Variants in ALK observed in about 807,000 individuals in gnomAD.
The protein encoded by ALK is ALK tyrosine kinase receptor.
ALK carries 74 observed loss-of-function variants against 163.1 expected under a neutral mutation model. The observed-to-expected ratio is 0.45, with a 90% CI of 0.38 to 0.55. The LOEUF (loss-of-function observed/expected upper bound fraction) is 0.55. ALK is among the 20% of genes least tolerant of loss of function. ALK has a pLI of 0.00. For missense variants in ALK, 2,063 were observed against 2,105.3 expected (o/e 0.98, Z 0.39); for synonymous variants, 960 against 843.2 (o/e 1.14, Z -2.40).
intron 1 of ALK, among the ~76,000 whole-genome samples, chr2:29,791,846 T>C (rs924241995): frequency 2.6e-5 from 4 of 152,176 alleles, no homozygotes; most frequent in African/African-American, 9.7e-5. Context: ...TTAATAATTA[T>C]AATTTGAGGG....
At chr2:29,663,148 C>T (rs1430289928) in intron 3 of ALK, among the ~76,000 whole-genome samples, 1 of 152,158 alleles carries the variant, frequency 6.6e-6, no homozygotes, top group Non-Finnish European at 1.5e-5. Context: ...TAAATCAGAG[C>T]AGACTAAACC....
intron 11 of ALK, among the ~76,000 whole-genome samples, chr2:29,255,189 T>C (rs1664920769): frequency 6.6e-6 from 1 of 152,160 alleles, no homozygotes; most frequent in South Asian, 2.1e-4. Flanking sequence ...TCTGGGGGTG[T>C]GGAGTTTCTG....
At chr2:29,408,350 C>A (rs1669642906) in intron 4 of ALK, among the ~76,000 whole-genome samples, 1 of 151,872 alleles carries the variant, frequency 6.6e-6, no homozygotes, top group African/African-American at 2.4e-5. Flanking sequence ...GGCCTCCCCA[C>A]AAAGTGCTGG....
At chr2:29,402,789 A>C (rs1422295115) in intron 4 of ALK, among the ~76,000 whole-genome samples, 4 of 152,162 alleles carry the variant, frequency 2.6e-5, no homozygotes, top group Admixed American at 6.5e-5. Context: ...TGGGCTATGC[A>C]TCTGTAGCCT....
intron 12 of ALK, among the ~76,000 whole-genome samples, chr2:29,242,280 T>C (rs530526078): frequency 1.3e-5 from 2 of 152,280 alleles, no homozygotes; most frequent in South Asian, 2.1e-4. Context: ...TGTGGTTTGC[T>C]TGGAAAACTT....
At chr2:29,457,502 G>A (rs991307984) in intron 4 of ALK, among the ~76,000 whole-genome samples, 9 of 152,066 alleles carry the variant, frequency 5.9e-5, no homozygotes, top group Admixed American at 2.6e-4. Context: ...CCATCTGCAG[G>A]TCTCAGGGGA....
intron 1 of ALK, among the ~76,000 whole-genome samples, chr2:29,865,105 G>A (rs1348092537): frequency 6.6e-6 from 1 of 152,178 alleles, no homozygotes; most frequent in African/African-American, 2.4e-5. Flanking sequence ...CTTATGGTTG[G>A]GGTGTTCTGG....
intron 4 of ALK, among the ~76,000 whole-genome samples, chr2:29,388,561 T>C (rs1356981917): frequency 6.6e-6 from 1 of 152,242 alleles, no homozygotes; most frequent in Non-Finnish European, 1.5e-5. Context: ...CCAGTTTCCC[T>C]ATTTTTAAGA....
At chr2:29,503,514 C>A (rs1299503739) in intron 4 of ALK, among the ~76,000 whole-genome samples, 1 of 152,182 alleles carries the variant, frequency 6.6e-6, no homozygotes, top group Non-Finnish European at 1.5e-5. Context: ...AACCAAGTTT[C>A]CAAGAGAAAG....
chr2:29,522,504 C>G (rs778024298), intron 4 of ALK, among the ~76,000 whole-genome samples: 2 of 152,162 alleles, frequency 1.3e-5, no homozygotes, highest in Admixed American at 1.3e-4. Flanking sequence ...CTCTCCCTGT[C>G]TTTCATGTGT....
chr2:29,394,004 A>G (rs1669242842), intron 4 of ALK, among the ~76,000 whole-genome samples: 1 of 152,210 alleles, frequency 6.6e-6, no homozygotes, highest in South Asian at 2.1e-4. Flanking sequence ...ATTTTAAGGA[A>G]ATGGATACTG....
intron 1 of ALK, among the ~76,000 whole-genome samples, chr2:29,887,462 T>A (rs922331914): frequency 6.6e-6 from 1 of 152,186 alleles, no homozygotes; most frequent in Non-Finnish European, 1.5e-5. Context: ...TGCTCAGAAG[T>A]CATCCTGGGT....
intron 1 of ALK, among the ~76,000 whole-genome samples, chr2:29,789,863 C>A (rs1166383073): frequency 6.6e-6 from 1 of 152,114 alleles, no homozygotes; most frequent in Non-Finnish European, 1.5e-5. Flanking sequence ...CGTGGAGAAC[C>A]TTGGAGTTTA....
chr2:29,309,971 GC>G (rs1283517383), intron 8 of ALK, among the ~76,000 whole-genome samples: 41 of 152,292 alleles, frequency 2.7e-4, no homozygotes, highest in African/African-American at 9.1e-4. Context: ...AATAATTGCT[GC>G]CATTCATCAA....
chr2:29,234,435 C>G (rs150429532), intron 13 of ALK, among the ~76,000 whole-genome samples: 17 of 152,274 alleles, frequency 1.1e-4, no homozygotes, highest in Non-Finnish European at 2.5e-4. Context: ...AGGCCAGACT[C>G]AAGTTTTATT....
chr2:29,356,233 A>G (rs1215094066), intron 5 of ALK, among the ~76,000 whole-genome samples: 1 of 152,182 alleles, frequency 6.6e-6, no homozygotes, highest in Admixed American at 6.5e-5. Flanking sequence ...GTATGCTGAC[A>G]TTTTGCAAGT....
chr2:29,303,805 G>A (rs1008586838), intron 8 of ALK, among the ~76,000 whole-genome samples: 6 of 152,164 alleles, frequency 3.9e-5, no homozygotes, highest in Non-Finnish European at 7.3e-5. Flanking sequence ...TACCGTATGT[G>A]CTCACTTATG....
At chr2:29,217,462 G>T (rs1184059804) in intron 23 of ALK, among the ~76,000 whole-genome samples, 2 of 151,986 alleles carry the variant, frequency 1.3e-5, no homozygotes, top group Non-Finnish European at 2.9e-5. Flanking sequence ...AGCATTGCCA[G>T]CCAGTGCACC....
intron 22 of ALK, 35 bp from the exon 23 acceptor site, chr2:29,220,870 T>TGA: frequency 6.2e-7 from 1 of 1,613,306 alleles, no homozygotes; most frequent in Non-Finnish European, 8.5e-7. Flanking sequence ...CAAAATTAAC[T>TGA]GAGCTGAGTC....
Sources: allele counts gnomAD v4.1 joint callset (sites outside exome capture counted in the v4.1 genomes callset), GRCh38; gene constraint gnomAD v4.1.1; transcripts MANE v1.5; gene names NCBI Gene and HGNC (gene_info 2026-07-23, HGNC 2026-07-21).